VAMP7: variants seen among roughly 807,000 people sequenced by gnomAD.
VAMP7 encodes vesicle associated membrane protein 7.
VAMP7 carries 14 observed loss-of-function variants against 29.6 expected under a neutral mutation model. The observed-to-expected ratio is 0.47, with a 90% CI of 0.31 to 0.74. The LOEUF is 0.74. Among genes scored for constraint, VAMP7 ranks in the 30% least tolerant of loss-of-function variants. The pLI, the probability that VAMP7 is intolerant of heterozygous loss-of-function variation, is 0.05. For synonymous variants in VAMP7, 95 were observed against 88.1 expected, an observed-to-expected ratio of 1.08 and a Z score of -0.44; for missense variants, 223 against 262.4, an observed-to-expected ratio of 0.85 and a Z score of 1.04.
chrX:155,925,348 A>G (rs2066453060), intron 6 of VAMP7, among the ~76,000 whole-genome samples: 1 of 152,178 alleles, frequency 6.6e-6, no homozygotes, highest in African/African-American at 2.4e-5. Context: ...TTTCTTAAAT[A>G]ATAAGACTTG....
intron 2 of VAMP7, among the ~76,000 whole-genome samples, chrX:155,893,750 G>A (rs1451416474): frequency 5.9e-5 from 9 of 152,150 alleles, no homozygotes; most frequent in East Asian, 1.9e-4. Flanking sequence ...AATCTTAAGT[G>A]CCTCCCAAAG....
At chrX:155,884,291 C>T (rs1193864985) in intron 1 of VAMP7, among the ~76,000 whole-genome samples, 1 of 151,742 alleles carries the variant, frequency 6.6e-6, no homozygotes, top group Admixed American at 6.6e-5. Flanking sequence ...CCACGCCTGG[C>T]TAATTTTGTA....
intron 1 of VAMP7, among the ~76,000 whole-genome samples, chrX:155,888,644 T>A (rs1314618240): frequency 1.3e-5 from 2 of 152,208 alleles, no homozygotes; most frequent in African/African-American, 4.8e-5. Context: ...CTTAAACTCA[T>A]GCCATATGGT....
At chrX:155,913,819 T>C (rs188804159) in intron 5 of VAMP7, among the ~76,000 whole-genome samples, 1 of 152,316 alleles carries the variant, frequency 6.6e-6, no homozygotes, top group African/African-American at 2.4e-5. Flanking sequence ...TGTCTCCAGC[T>C]TTGTTCTTCT....
chrX:155,904,738 C>G (rs2066123155), intron 5 of VAMP7, among the ~76,000 whole-genome samples: 1 of 151,944 alleles, frequency 6.6e-6, no homozygotes, highest in East Asian at 1.9e-4. Flanking sequence ...GAGATTCATT[C>G]ATGTCGTAGC....
At chrX:155,890,520 C>T (rs1282928728) in intron 2 of VAMP7, among the ~76,000 whole-genome samples, 1 of 151,952 alleles carries the variant, frequency 6.6e-6, no homozygotes, top group Non-Finnish European at 1.5e-5. Flanking sequence ...ACCACCATGC[C>T]CAGCTAATTT....
intron 1 of VAMP7, among the ~76,000 whole-genome samples, chrX:155,889,169 G>A (rs2065898433): frequency 6.6e-6 from 1 of 152,002 alleles, no homozygotes; most frequent in Non-Finnish European, 1.5e-5. Context: ...GGTGATATCT[G>A]TTTGTGCTAT....
intron 1 of VAMP7, among the ~76,000 whole-genome samples, chrX:155,889,226 G>A (rs1417195352): frequency 6.6e-6 from 1 of 152,122 alleles, no homozygotes; most frequent in East Asian, 1.9e-4. Context: ...GTGTGTGTAT[G>A]TGTTTTGTAT....
chrX:155,913,849 T>C (rs1464849485), intron 5 of VAMP7, among the ~76,000 whole-genome samples: 1 of 152,166 alleles, frequency 6.6e-6, no homozygotes, highest in East Asian at 1.9e-4. Flanking sequence ...TTGTCTTGGC[T>C]ATGTGGGCTC....
intron 6 of VAMP7, among the ~76,000 whole-genome samples, chrX:155,930,786 G>A (rs28753105): frequency 0.029 from 4,464 of 151,410 alleles, 234 homozygotes; most frequent in African/African-American, 0.1. Context: ...ATGTAAACAT[G>A]TGCCGTGTTG....
intron 6 of VAMP7, among the ~76,000 whole-genome samples, chrX:155,923,497 TTGA>T (rs2066424413): frequency 6.6e-6 from 1 of 151,918 alleles, no homozygotes; most frequent in Non-Finnish European, 1.5e-5. Context: ...CTTTTAATAC[TTGA>T]TGAACGGTGG....
chrX:155,911,895 A>G (rs1304189522), intron 5 of VAMP7, among the ~76,000 whole-genome samples: 1 of 152,106 alleles, frequency 6.6e-6, no homozygotes, highest in Admixed American at 6.6e-5. Flanking sequence ...AGATCATATC[A>G]TCTGCAAAGA....
At chrX:155,941,311 C>T (rs1352298705) in intron 7 of VAMP7, among the ~76,000 whole-genome samples, 1 of 152,024 alleles carries the variant, frequency 6.6e-6, no homozygotes, top group Non-Finnish European at 1.5e-5. Context: ...TGTAATAGCA[C>T]CAGTATTTTT....
intron 6 of VAMP7, among the ~76,000 whole-genome samples, chrX:155,930,958 G>A (rs2066543608): frequency 6.6e-6 from 1 of 152,024 alleles, no homozygotes; most frequent in African/African-American, 2.4e-5. Flanking sequence ...AGAACATGTG[G>A]TGTTTGGTTT....
At chrX:155,924,213 C>G (rs769874822) in intron 6 of VAMP7, among the ~76,000 whole-genome samples, 1 of 152,052 alleles carries the variant, frequency 6.6e-6, no homozygotes, top group Non-Finnish European at 1.5e-5. Context: ...AACTCACAGA[C>G]CATACAAATT....
At chrX:155,905,743 G>C (rs1366156969) in intron 5 of VAMP7, among the ~76,000 whole-genome samples, 5 of 152,102 alleles carry the variant, frequency 3.3e-5, no homozygotes, top group Admixed American at 1.3e-4. Flanking sequence ...TGGACCTTCA[G>C]TTCTGTTCAG....
At chrX:155,890,933 T>C (rs1411722954) in intron 2 of VAMP7, among the ~76,000 whole-genome samples, 1 of 152,180 alleles carries the variant, frequency 6.6e-6, no homozygotes, top group Non-Finnish European at 1.5e-5. Flanking sequence ...TTTAATGAGA[T>C]AGTCCAGAGA....
chrX:155,904,193 T>A (rs1295259889), intron 5 of VAMP7, among the ~76,000 whole-genome samples: 1 of 109,488 alleles, frequency 9.1e-6, no homozygotes, highest in Non-Finnish European at 1.7e-5. Context: ...CATCACACTC[T>A]GGGGACTGTT....
chrX:155,894,159 A>G (rs956159180), intron 2 of VAMP7, among the ~76,000 whole-genome samples: 17 of 151,928 alleles, frequency 1.1e-4, no homozygotes, highest in African/African-American at 4.1e-4. Flanking sequence ...GCTGCCTCCT[A>G]TCTCTTCTCT....
Sources: allele counts gnomAD v4.1 joint callset (sites outside exome capture counted in the v4.1 genomes callset), GRCh38; gene constraint gnomAD v4.1.1; transcripts MANE v1.5; gene names NCBI Gene and HGNC (gene_info 2026-07-23, HGNC 2026-07-21).